Variants in CAMK1D observed in about 807,000 individuals in gnomAD.
CAMK1D encodes calcium/calmodulin dependent protein kinase ID.
CAMK1D carries 9 observed loss-of-function variants against 47.7 expected under a neutral mutation model. The ratio of observed to expected loss-of-function variants is 0.19; its 90% CI spans 0.11 to 0.33. The LOEUF is 0.33. CAMK1D is among the 10% of genes least tolerant of loss of function. The probability of loss-of-function intolerance (pLI) is 1.00; values close to 1 mark genes in which losing one functional copy is unlikely to be tolerated. For synonymous variants in CAMK1D, 184 were observed against 184.9 expected, an observed-to-expected ratio of 0.99 and a Z score of 0.04; for missense variants, 291 against 488.7, an observed-to-expected ratio of 0.60 and a Z score of 3.81.
intron 2 of CAMK1D, among the ~76,000 whole-genome samples, chr10:12,626,119 T>A (rs144039143): frequency 6.0e-4 from 91 of 152,338 alleles, no homozygotes; most frequent in African/African-American, 2.1e-3. Flanking sequence ...AGTCTTTTTT[T>A]ATACTCATAA....
intron 3 of CAMK1D, among the ~76,000 whole-genome samples, chr10:12,691,583 C>T (rs894958470): frequency 4.0e-5 from 6 of 151,220 alleles, no homozygotes; most frequent in African/African-American, 7.3e-5. Flanking sequence ...CAGGTGCCCA[C>T]CAGCACGTCC....
intron 6 of CAMK1D, among the ~76,000 whole-genome samples, chr10:12,801,887 C>T (rs1310040990): frequency 2.0e-5 from 3 of 152,208 alleles, no homozygotes; most frequent in Admixed American, 1.3e-4. Context: ...CTCATTTCCC[C>T]AGTGTCACTC....
intron 1 of CAMK1D, among the ~76,000 whole-genome samples, chr10:12,511,398 T>G (rs1835034201): frequency 6.6e-6 from 1 of 152,074 alleles, no homozygotes; most frequent in Non-Finnish European, 1.5e-5. Context: ...CCCAGCAATT[T>G]GAGACCAGCC....
At chr10:12,635,372 G>A (rs1052323947) in intron 2 of CAMK1D, among the ~76,000 whole-genome samples, 1 of 152,234 alleles carries the variant, frequency 6.6e-6, no homozygotes, top group Non-Finnish European at 1.5e-5. Flanking sequence ...AGTCAATGAA[G>A]CAGTGAGTCA....
chr10:12,694,324 TATAAAG>T, intron 3 of CAMK1D, among the ~76,000 whole-genome samples: 5 of 61,022 alleles, frequency 8.2e-5, no homozygotes, highest in Admixed American at 3.1e-4. Flanking sequence ...AAATATAATA[TATAAAG>T]TATATATAAT....
At chr10:12,541,842 T>TCTTCCTTCCTTACTTCCTTCCTTC (rs1836194119) in intron 1 of CAMK1D, among the ~76,000 whole-genome samples, 1 of 116,608 alleles carries the variant, frequency 8.6e-6, no homozygotes, top group Admixed American at 1.0e-4. Flanking sequence ...CTGTGTTTTA[T>TCTTCCTTCCTTACTTCCTTCCTTC]CTTCCTTCCT....
chr10:12,589,317 A>G (rs529892447), intron 2 of CAMK1D, among the ~76,000 whole-genome samples: 11 of 152,310 alleles, frequency 7.2e-5, no homozygotes, highest in African/African-American at 2.4e-4. Context: ...CGCAGCCTGT[A>G]TAATTTTTAA....
At chr10:12,414,567 T>G (rs1355429116) in intron 1 of CAMK1D, among the ~76,000 whole-genome samples, 1 of 152,222 alleles carries the variant, frequency 6.6e-6, no homozygotes, top group Non-Finnish European at 1.5e-5. Flanking sequence ...TTTTTACAGT[T>G]TTCTCGAGCC....
intron 1 of CAMK1D, among the ~76,000 whole-genome samples, chr10:12,380,595 T>A (rs4747980): frequency 6.6e-5 from 10 of 152,080 alleles, no homozygotes; most frequent in Non-Finnish European, 1.5e-4. Context: ...CAGTGGCTCA[T>A]GCCTGTAATC....
Position 12,504,758 on chromosome 10 carries a change from A to C in CAMK1D, c.93-48467A>C, listed in dbSNP as rs144315831. On this transcript the variant is annotated intron_variant, in intron 1 of 10. Transcript: ENST00000619168. ...TACCTTTAGGCTACTTTCTCTTACT[A>C]CCTCCCGGGACGGTGAGGCCACTTT... Among the ~76,000 whole-genome samples, 1,050 of 151,622 alleles carry C rather than the reference A, an allele frequency of 6.9e-3. 3 individuals carry two copies. Among genetic ancestry groups the C allele is most frequent in the Non-Finnish European group, 0.012 (847 of 67,890 alleles).
Position 12,674,598 on chromosome 10 carries a change from G to GTTTTTTTTTTT in CAMK1D, c.299+7788_299+7789insTTTTTTTTTTT, listed in dbSNP as rs1491441824. On this transcript the variant is annotated intron_variant, in intron 3 of 10. Coordinates refer to ENST00000619168, the MANE Select transcript of CAMK1D (RefSeq NM_153498.4). ...ATTTTATTTGGGTTTTTGGAAAAAT[G>GTTTTTTTTTTT]CTTTTTTTTTTTTTTTTTTCAGAAT... Among the ~76,000 whole-genome samples, 12 of 16,706 alleles carry GTTTTTTTTTTT rather than the reference G, an allele frequency of 7.2e-4. No individual in the cohort carries two copies. The South Asian group carries it at 8.4e-3, about 12-fold the overall frequency. 11.0% of individuals were successfully genotyped at this position (16,706 alleles called of 152,430 possible). A position where few individuals can be genotyped will look rare whatever the true frequency, so the allele number is the denominator to read the frequency against.
At position 12,666,791 on chromosome 10, in the gene CAMK1D, C is replaced by T. The variant is rs1298850450; in HGVS notation, c.280C>T (p.Leu94=). 2 of 1,613,698 alleles carry T rather than the reference C, an allele frequency of 1.2e-6. No individual in the cohort carries two copies. ...LEDIYESPNH[L]YLVMQLVSGG... ...AGACATTTATGAAAGCCCAAATCAC[C>T]TGTACTTGGTCATGCAGCTGTAAGT... is the stretch of plus-strand genomic sequence containing the variant. Residue 94 remains leucine, a synonymous_variant, in exon 3 of 11, where the codon CTG becomes TTG. Coordinates refer to ENST00000619168, the MANE Select transcript of CAMK1D (RefSeq NM_153498.4).
At chr10:12,443,413 C>T (rs918186591) in intron 1 of CAMK1D, among the ~76,000 whole-genome samples, 9 of 151,916 alleles carry the variant, frequency 5.9e-5, no homozygotes, top group East Asian at 5.8e-4. Flanking sequence ...ATGACCTTCA[C>T]GAAGGCACGA....
intron 6 of CAMK1D, among the ~76,000 whole-genome samples, chr10:12,794,840 C>T (rs1929383): frequency 0.44 from 67,150 of 151,858 alleles, 15,514 homozygotes; most frequent in African/African-American, 0.57. Flanking sequence ...TATGATTGAC[C>T]ATATAACACG....
At chr10:12,518,439 T>C (rs1391522955) in intron 1 of CAMK1D, among the ~76,000 whole-genome samples, 2 of 152,234 alleles carry the variant, frequency 1.3e-5, no homozygotes, top group East Asian at 3.8e-4. Context: ...CTTTAATGTC[T>C]ATAGGGTCTG....
At chr10:12,390,352 C>T (rs6602584) in intron 1 of CAMK1D, among the ~76,000 whole-genome samples, 35,025 of 151,946 alleles carry the variant, frequency 0.23, 4,258 homozygotes, top group South Asian at 0.3. Context: ...ATTATAGGAA[C>T]GAGCCACTTT....
At chr10:12,629,635 C>T (rs1839320502) in intron 2 of CAMK1D, among the ~76,000 whole-genome samples, 1 of 152,226 alleles carries the variant, frequency 6.6e-6, no homozygotes, top group South Asian at 2.1e-4. Flanking sequence ...GATTTTGTTT[C>T]AACCTCTACA....
chr10:12,636,726 C>T (rs953902541), intron 2 of CAMK1D, among the ~76,000 whole-genome samples: 2 of 152,062 alleles, frequency 1.3e-5, no homozygotes, highest in African/African-American at 4.8e-5. Context: ...GCATTTGGAC[C>T]CAGCTTCCTC....
chr10:12,459,728 G>A (rs1223473986), intron 1 of CAMK1D, among the ~76,000 whole-genome samples: 2 of 152,224 alleles, frequency 1.3e-5, no homozygotes, highest in Non-Finnish European at 2.9e-5. Context: ...AAAGATTAAT[G>A]TGGTTATTTT....
Sources: gnomAD v4.1 joint callset for allele counts (sites outside exome capture counted in the v4.1 genomes callset) on GRCh38, gnomAD v4.1.1 for gene constraint, MANE v1.5 for transcripts, NCBI Gene and HGNC (gene_info 2026-07-23, HGNC 2026-07-21) for gene names.